Variants in ANKRD13B observed in about 807,000 individuals in gnomAD.
ANKRD13B encodes the protein ankyrin repeat domain-containing protein 13B.
In ANKRD13B, 33 loss-of-function variants were observed where a neutral mutation model predicts 74.4. That is an observed-to-expected ratio of 0.44 (90% confidence interval 0.34 to 0.59). The LOEUF is 0.59. ANKRD13B is among the 20% of genes least tolerant of loss of function. ANKRD13B has a pLI of 0.02. For missense variants in ANKRD13B, 676 were observed against 877.9 expected (o/e 0.77, Z 2.91); for synonymous variants, 341 against 362.9 (o/e 0.94, Z 0.68).
Position 29,612,692 on chromosome 17 carries a change from G to C in ANKRD13B, c.1452G>C (p.Glu484Asp). The C allele has an allele frequency of 6.3e-7, 1 of 1,592,008 alleles. No homozygotes were observed. The change falls in exon 13 of 15, where the codon GAG (glutamate) becomes GAC (aspartate). Residue 484 changes from glutamate to aspartate, a missense_variant. Glu to Asp is a conservative substitution (Grantham distance 45, BLOSUM62 2). This residue lies in a region of ANKRD13B where 152 missense variants were observed against 181.4 expected (regional missense o/e 0.84). Transcript: ENST00000394859. The surrounding 1 kb of genome is among the most constrained non-coding windows in gnomAD (Gnocchi z 6.1). Reference sequence around the variant, plus strand: ...GCGAGATCTCCCCAGCGTTGTTCGAGGCCCCGCGCGGCTACAGCATGATGG... The same window carrying C: ...GCGAGATCTCCCCAGCGTTGTTCGACGCCCCGCGCGGCTACAGCATGATGG... ...RGCEISPALF[E>D]APRGYSMMGG...
At chr17:29,596,183 G>C (rs562063547) in intron 1 of ANKRD13B, among the ~76,000 whole-genome samples, 2 of 152,364 alleles carry the variant, frequency 1.3e-5, no homozygotes, top group South Asian at 4.1e-4. Flanking sequence ...GGGCAGGCTT[G>C]GCAGTGCAGC....
At chr17:29,610,638 G>A (rs752914703) in intron 7 of ANKRD13B, 47 bp from the exon 8 acceptor site, 2 of 1,589,194 alleles carry the variant, frequency 1.3e-6, no homozygotes, top group South Asian at 2.3e-5. Context: ...GTAAGACACA[G>A]GGTAAGACCA....
At chr17:29,613,187 G>A (rs1450114014) in intron 14 of ANKRD13B, 167 bp from the exon 15 acceptor site, 12 of 1,241,870 alleles carry the variant, frequency 9.7e-6, no homozygotes, top group East Asian at 5.1e-5. Context: ...AACTTGGTAG[G>A]GTCTGGGCTC....
Position 29,613,700 on chromosome 17 carries a change from C to A in ANKRD13B, c.*118C>A. On this transcript the variant is annotated 3_prime_UTR_variant, in exon 15 of 15. Coordinates refer to ENST00000394859, the MANE Select transcript of ANKRD13B (RefSeq NM_152345.5). ...GCTGGAGACTGGAGCCACCGCCTCG[C>A]GGGTGCAGCAGCACAGCAGGCACGG... 1 of 1,356,086 alleles carries A rather than the reference C, an allele frequency of 7.4e-7. No individual in the cohort carries two copies. Among genetic ancestry groups the A allele is most frequent in the Non-Finnish European group, 9.5e-7 (1 of 1,053,844 alleles). 84.0% of individuals were successfully genotyped at this position (1,356,086 alleles called of 1,614,324 possible). A position where few individuals can be genotyped will look rare whatever the true frequency, so the allele number is the denominator to read the frequency against.
At chr17:29,595,756 T>C (rs955446396) in intron 1 of ANKRD13B, among the ~76,000 whole-genome samples, 2 of 152,144 alleles carry the variant, frequency 1.3e-5, no homozygotes, top group Non-Finnish European at 2.9e-5. Context: ...TATAGGGCAC[T>C]GGTGGAGGTT....
chr17:29,594,739 C>T (rs1184252228), intron 1 of ANKRD13B, among the ~76,000 whole-genome samples: 2 of 152,186 alleles, frequency 1.3e-5, no homozygotes, highest in Non-Finnish European at 2.9e-5. Flanking sequence ...GGGTCTGAGA[C>T]CTTGGGGCCA....
rs200525661 is a variant in ANKRD13B, at chr17:29,613,638, CCAGA to C, written c.*59_*62del. ...CGCGCGCCACGCCCAGGGCCAGGAG[CCAGA>C]CAAACCCCGGCCTGCGCGCCTGCAG... On this transcript the variant is annotated 3_prime_UTR_variant, in exon 15 of 15. Coordinates refer to ENST00000394859, the MANE Select transcript of ANKRD13B (RefSeq NM_152345.5). 5.7e-4 allele frequency: 792 copies of C among 1,381,198 alleles called. 8 individuals are homozygous for C. In the East Asian group the frequency reaches 0.022, roughly 39 times the overall value. The allele number at this position is 1,381,198 out of a possible 1,614,324, so 85.6% of individuals were successfully genotyped here. A position where few individuals can be genotyped will look rare whatever the true frequency, so the allele number is the denominator to read the frequency against.
chr17:29,607,761 A>T lies in ANKRD13B; in HGVS notation c.134A>T (p.Asp45Val). 6.2e-7 allele frequency: 1 copy of T among 1,600,058 alleles called. No individual in the cohort carries two copies. The highest frequency in any genetic ancestry group is 8.5e-7 in the Non-Finnish European group (1 of 1,179,398). ...RAGQVDIEQLDPRGRTPLHLA... is the reference protein window; with the variant it reads ...RAGQVDIEQLVPRGRTPLHLA... ...CTCCAGGTGGACATCGAGCAGCTGG[A>T]TCCCCGCGGCCGGACTCCCCTGCAC... The change falls in exon 2 of 15, where the codon GAT becomes GTT. Residue 45 changes from aspartate (D) to valine (V), a missense_variant. By Grantham distance (152) the Asp-to-Val change is radical. This residue lies in a region of ANKRD13B where 88 missense variants were observed against 87.8 expected (regional missense o/e 1.00). Coordinates refer to ENST00000394859, the MANE Select transcript of ANKRD13B (RefSeq NM_152345.5).
Position 29,612,093 on chromosome 17 carries a change from C to T in ANKRD13B, c.1101-23C>T. 6.2e-7 allele frequency: 1 copy of T among 1,612,746 alleles called. No individual in the cohort carries two copies. The highest frequency in any genetic ancestry group is 1.3e-5 in the African/African-American group (1 of 74,992). ...CATGGCTTCCTGCAGTGTCCCTTAC[C>T]CCTTGGGATCTGGTGGGGGCAGGTT... On this transcript the variant is annotated intron_variant, in intron 10 of 14. Coordinates refer to ENST00000394859, the MANE Select transcript of ANKRD13B (RefSeq NM_152345.5). This position sits in a 1 kb window ranked among gnomAD's most constrained non-coding sequence, Gnocchi z 6.1.
intron 1 of ANKRD13B, chr17:29,593,997 A>T (rs1177298269): frequency 9.5e-6 from 2 of 209,670 alleles, no homozygotes; most frequent in Admixed American, 1.2e-4. Flanking sequence ...TGAGGGCTGC[A>T]GGGAGGGGCT....
In ANKRD13B at chr17:29,610,679, C is replaced by G. The variant is rs770423173; in HGVS notation, c.823-6C>G. Reference sequence around the variant, plus strand: ...GCTTATGAGCCCTTTCTTCATCTGTCCCCAGGTGTATGGGGCATCTAACGT... The same window carrying G: ...GCTTATGAGCCCTTTCTTCATCTGTGCCCAGGTGTATGGGGCATCTAACGT... On this transcript the variant is annotated splice_polypyrimidine_tract_variant and splice_region_variant and intron_variant, in intron 7 of 14. Coordinates refer to ENST00000394859, the MANE Select transcript of ANKRD13B (RefSeq NM_152345.5). The G allele has an allele frequency of 6.2e-7, 1 of 1,613,524 alleles. No individual in the cohort carries two copies. Among genetic ancestry groups the G allele is most frequent in the African/African-American group, 1.3e-5 (1 of 74,940 alleles).
intron 7 of ANKRD13B, 61 bp from the exon 8 acceptor site, chr17:29,610,624 A>C: frequency 6.6e-7 from 1 of 1,518,316 alleles, no homozygotes; most frequent in East Asian, 2.3e-5. Context: ...CAGTGCCCTT[A>C]GGGGTAAGAC....
chr17:29,607,725 T>C lies in ANKRD13B; in HGVS notation c.115-17T>C. 1 of 1,568,226 alleles carries C rather than the reference T, an allele frequency of 6.4e-7. No homozygotes were observed. ...ACGTGACTGGGGCTTTATCTTCCAC[T>C]CCTCCTCCTCCTCCAGGTGGACATC... On this transcript the variant is annotated splice_polypyrimidine_tract_variant and intron_variant, in intron 1 of 14. Transcript: ENST00000394859.
In ANKRD13B at chr17:29,612,549, C is replaced by G. The variant is rs2034621592; in HGVS notation, c.1406C>G (p.Ser469Cys). ...SDSSSVSSSS[S>C]TTSCRGCEIS... ...TCCTCCAGCGTCAGCAGCTCCAGCT[C>G]CACGAGTGAGGCCCCCCGCGAGAAC... The change falls in exon 12 of 15, where the codon TCC becomes TGC. Residue 469 changes from serine (S) to cysteine (C), a missense_variant. Coordinates refer to ENST00000394859, the MANE Select transcript of ANKRD13B (RefSeq NM_152345.5). The surrounding 1 kb of genome is among the most constrained non-coding windows in gnomAD (Gnocchi z 6.1). 1 of 1,555,778 alleles carries G rather than the reference C, an allele frequency of 6.4e-7. No individual in the cohort carries two copies. Among genetic ancestry groups the G allele is most frequent in the African/African-American group, 1.4e-5 (1 of 73,314 alleles).
At chr17:29,599,417 C>A in intron 1 of ANKRD13B, 1 of 151,970 alleles carries the variant, frequency 6.6e-6, no homozygotes, top group Non-Finnish European at 1.5e-5. Context: ...TAGGGGGCTG[C>A]CAGTGAGAGA....
intron 1 of ANKRD13B, among the ~76,000 whole-genome samples, chr17:29,601,239 TG>T (rs1294328525): frequency 1.3e-5 from 2 of 149,512 alleles, no homozygotes; most frequent in Non-Finnish European, 3.0e-5. Flanking sequence ...TTTTTTTTTT[TG>T]AGACAGAGTC....
intron 1 of ANKRD13B, among the ~76,000 whole-genome samples, chr17:29,600,922 C>CT (rs35831588): frequency 0.091 from 11,488 of 125,644 alleles, 835 homozygotes; most frequent in African/African-American, 0.15. Context: ...ATTTTACTGA[C>CT]TTTTTTTTTT....
intron 1 of ANKRD13B, among the ~76,000 whole-genome samples, chr17:29,599,783 G>A (rs558625234): frequency 1.4e-5 from 2 of 141,916 alleles, no homozygotes; most frequent in East Asian, 4.4e-4. Context: ...TCCTGAGGAT[G>A]TAAATTACTG....
intron 1 of ANKRD13B, among the ~76,000 whole-genome samples, chr17:29,603,821 C>T (rs2034264828): frequency 6.6e-6 from 1 of 150,880 alleles, no homozygotes; most frequent in African/African-American, 2.4e-5. Flanking sequence ...TTTATCATTT[C>T]TGAGTTTTGT....
Sources: allele counts gnomAD v4.1 joint callset (sites outside exome capture counted in the v4.1 genomes callset), GRCh38; gene constraint gnomAD v4.1.1; regional missense constraint gnomAD v4.1.1; non-coding constraint Gnocchi (gnomAD v3.1); transcripts MANE v1.5; gene names NCBI Gene and HGNC (gene_info 2026-07-23, HGNC 2026-07-21).